Variants in RFX2 observed in about 807,000 individuals in gnomAD.
RFX2 encodes the protein regulatory factor X2, also known as DNA-binding protein RFX2.
Under a neutral mutation model 87.8 loss-of-function variants are expected in RFX2, and 20 were observed. That is an observed-to-expected ratio of 0.23 (90% confidence interval 0.16 to 0.33). RFX2 has a LOEUF of 0.33. RFX2 is among the 10% of genes least tolerant of loss of function. RFX2 has a pLI of 1.00. For synonymous variants in RFX2, 397 were observed against 431.3 expected, an observed-to-expected ratio of 0.92 and a Z score of 0.98; for missense variants, 767 against 1,012.3, an observed-to-expected ratio of 0.76 and a Z score of 3.29.
In RFX2 at chr19:6,047,049, A is replaced by G. The variant is rs2087200429; in HGVS notation, c.90+358T>C. On this transcript the variant is annotated intron_variant, in intron 2 of 17. Transcript: ENST00000303657. This position sits in a 1 kb window ranked among gnomAD's most constrained non-coding sequence, Gnocchi z 4.2. ...CCAAAGTGCTGGGATTACCTGTGTGAGCCACTGCACCCGGCCTTACTTCTT... is the reference window on the plus strand; with the variant it reads ...CCAAAGTGCTGGGATTACCTGTGTGGGCCACTGCACCCGGCCTTACTTCTT... 6.6e-6 allele frequency among the ~76,000 whole-genome samples: 1 copy of G among 151,620 alleles called. No individual in the cohort carries two copies. Among genetic ancestry groups the G allele is most frequent in the Non-Finnish European group, 1.5e-5 (1 of 67,964 alleles).
At chr19:6,054,165 T>C (rs966024242) in intron 1 of RFX2, among the ~76,000 whole-genome samples, 1 of 151,934 alleles carries the variant, frequency 6.6e-6, no homozygotes, top group African/African-American at 2.4e-5. Context: ...AAATGAACAC[T>C]TTTTTAAAAA....
Position 6,072,765 on chromosome 19 carries a change from A to G in RFX2, c.-8-25261T>C. On this transcript the variant is annotated intron_variant, in intron 1 of 17. Coordinates refer to ENST00000303657, the MANE Select transcript of RFX2 (RefSeq NM_000635.4). ...ATAACAAAGAAAAAAGAGAAAAAAA[A>G]GGCCCCTCTCTCTTCAGTGCTGCCT... 3 of 625,966 alleles carry G rather than the reference A, an allele frequency of 4.8e-6. No individual in the cohort carries two copies. The South Asian group carries it at 4.8e-5, about 10-fold the overall frequency. The allele number at this position is 625,966 out of a possible 1,614,324, so 38.8% of individuals were successfully genotyped here.
intron 1 of RFX2, among the ~76,000 whole-genome samples, chr19:6,081,035 CAAAAA>C (rs537462734): frequency 7.8e-5 from 7 of 89,704 alleles, no homozygotes; most frequent in Non-Finnish European, 1.3e-4. Context: ...GACTCCATCT[CAAAAA>C]AAAAAAAAAA....
Position 6,012,937 on chromosome 19 carries a change from C to A in RFX2, c.899+49G>T, listed in dbSNP as rs1226692392. 1 of 1,430,050 alleles carries A rather than the reference C, an allele frequency of 7.0e-7. No individual in the cohort carries two copies. The highest frequency in any genetic ancestry group is 2.6e-5 in the East Asian group (1 of 38,742). 88.6% of individuals were successfully genotyped at this position (1,430,050 alleles called of 1,614,324 possible). A position where few individuals can be genotyped will look rare whatever the true frequency, so the allele number is the denominator to read the frequency against. On this transcript the variant is annotated intron_variant, in intron 8 of 17. Coordinates refer to ENST00000303657, the MANE Select transcript of RFX2 (RefSeq NM_000635.4). The surrounding 1 kb of genome is among the most constrained non-coding windows in gnomAD (Gnocchi z 4.6). ...TCGTGTTGGAGAAACACCCACCCCT[C>A]CATGCTCCAGGGGAGAGCCAGCTCC... is the stretch of plus-strand genomic sequence containing the variant.
Position 6,003,778 on chromosome 19 carries a change from C to CAAAAAAA in RFX2, c.1500+416_1500+422dup, listed in dbSNP as rs57470328. On this transcript the variant is annotated intron_variant, in intron 13 of 17. Coordinates refer to ENST00000303657, the MANE Select transcript of RFX2 (RefSeq NM_000635.4). ...TGGGCGACAGAGTGAGACTCTGTCT[C>CAAAAAAA]AAAAAAAAAAAAAAAAAAAAAAAAA... 1.0e-3 allele frequency among the ~76,000 whole-genome samples: 42 copies of CAAAAAAA among 42,008 alleles called. 1 individual carries two copies. Among genetic ancestry groups the CAAAAAAA allele is most frequent in the Non-Finnish European group, 1.5e-3 (30 of 19,558 alleles). The allele number at this position is 42,008 out of a possible 152,430, so 27.6% of individuals were successfully genotyped here. A position where few individuals can be genotyped will look rare whatever the true frequency, so the allele number is the denominator to read the frequency against.
intron 5 of RFX2, among the ~76,000 whole-genome samples, chr19:6,034,978 C>T (rs2087002197): frequency 6.6e-6 from 1 of 152,172 alleles, no homozygotes; most frequent in South Asian, 2.1e-4. Context: ...GAATATTTAG[C>T]TTGTTAAACT....
At chr19:6,072,697 C>G in intron 1 of RFX2, 1 of 406,320 alleles carries the variant, frequency 2.5e-6, no homozygotes, top group South Asian at 2.4e-5. Flanking sequence ...AGAGAGAGAT[C>G]CTGTCTCTCA....
chr19:6,004,738 T>G lies in RFX2; in HGVS notation c.1403-440A>C, dbSNP rs1038728008. 6.6e-5 allele frequency among the ~76,000 whole-genome samples: 10 copies of G among 151,892 alleles called. No individual in the cohort carries two copies. The highest frequency in any genetic ancestry group is 2.9e-5 in the Non-Finnish European group (2 of 67,982). On this transcript the variant is annotated intron_variant, in intron 12 of 17. Coordinates refer to ENST00000303657, the MANE Select transcript of RFX2 (RefSeq NM_000635.4). The surrounding 1 kb of genome is among the most constrained non-coding windows in gnomAD (Gnocchi z 4.8). The stretch of plus-strand genomic sequence containing the variant: ...AAACACACACACACACGTAAATACA[T>G]TCTACCAACTTCCTAATTTATTTTA...
chr19:6,060,993 T>C (rs1223996974), intron 1 of RFX2, among the ~76,000 whole-genome samples: 1 of 151,838 alleles, frequency 6.6e-6, no homozygotes, highest in Non-Finnish European at 1.5e-5. Context: ...AGGGAAACTC[T>C]CCCCCCGCCA....
chr19:6,083,983 C>T lies in RFX2; in HGVS notation c.-9+26410G>A, dbSNP rs537555378. ...TCTCCAAATACAGGAGATGAGCACA[C>T]GTGTCCAGGGCACCCCAGACCTCTT... On this transcript the variant is annotated intron_variant, in intron 1 of 17. Coordinates refer to ENST00000303657, the MANE Select transcript of RFX2 (RefSeq NM_000635.4). This position sits in a 1 kb window ranked among gnomAD's most constrained non-coding sequence, Gnocchi z 4.6. Among the ~76,000 whole-genome samples, 5 of 152,254 alleles carry T rather than the reference C, an allele frequency of 3.3e-5. No individual in the cohort carries two copies. The highest frequency in any genetic ancestry group is 1.9e-4 in the East Asian group (1 of 5,192).
intron 1 of RFX2, among the ~76,000 whole-genome samples, chr19:6,070,076 G>A (rs55665805): frequency 1.1e-5 from 1 of 88,040 alleles, no homozygotes. Flanking sequence ...ATGGGATGTG[G>A]ATGGGATGGG....
At chr19:6,102,669 T>TC (rs1378197960) in intron 1 of RFX2, among the ~76,000 whole-genome samples, 1 of 152,214 alleles carries the variant, frequency 6.6e-6, no homozygotes, top group Non-Finnish European at 1.5e-5. Flanking sequence ...CCTGGAAGGC[T>TC]CTTCCTTCTG....
chr19:6,052,367 T>C (rs2087277854), intron 1 of RFX2, among the ~76,000 whole-genome samples: 1 of 152,174 alleles, frequency 6.6e-6, no homozygotes, highest in Admixed American at 6.5e-5. Context: ...TACCTAGTAA[T>C]ACAGCTTCAA....
chr19:6,062,027 T>C (rs2087441212), intron 1 of RFX2, among the ~76,000 whole-genome samples: 1 of 151,974 alleles, frequency 6.6e-6, no homozygotes, highest in Non-Finnish European at 1.5e-5. Flanking sequence ...CCGGGGAAGG[T>C]GGCTGATGTC....
chr19:6,033,565 T>G (rs1001363513), intron 5 of RFX2, among the ~76,000 whole-genome samples: 4 of 149,454 alleles, frequency 2.7e-5, no homozygotes, highest in Admixed American at 2.0e-4. Flanking sequence ...CAAACATATC[T>G]TTCAAAGGGT....
chr19:6,100,682 G>A (rs1599934287), intron 1 of RFX2, among the ~76,000 whole-genome samples: 1 of 152,060 alleles, frequency 6.6e-6, no homozygotes. Flanking sequence ...CCATGTTGCG[G>A]CCCAGCCGCT....
rs750603880 is a variant in RFX2 at position 6,023,393 on chromosome 19, C to T, written c.597+2770G>A. Among the ~76,000 whole-genome samples, 63 of 152,238 alleles carry T rather than the reference C, an allele frequency of 4.1e-4. No homozygotes were observed. Among genetic ancestry groups the T allele is most frequent in the Non-Finnish European group, 7.5e-4 (51 of 68,038 alleles). Reference sequence around the variant, plus strand: ...AGCCACAGGCAGCCCTGGGGACAATCGTTGCAAGGGCACGTCACCCCGTCC... The same window carrying T: ...AGCCACAGGCAGCCCTGGGGACAATTGTTGCAAGGGCACGTCACCCCGTCC... On this transcript the variant is annotated intron_variant, in intron 6 of 17. Coordinates refer to ENST00000303657, the MANE Select transcript of RFX2 (RefSeq NM_000635.4). This position sits in a 1 kb window ranked among gnomAD's most constrained non-coding sequence, Gnocchi z 4.9.
At chr19:6,032,277 C>T (rs2086963099) in intron 5 of RFX2, among the ~76,000 whole-genome samples, 2 of 151,968 alleles carry the variant, frequency 1.3e-5, no homozygotes, top group South Asian at 4.2e-4. Context: ...GCGTGCCACC[C>T]CGTCCAGCTA....
Position 6,001,784 on chromosome 19 carries a change from A to C in RFX2, c.1859+31T>G. The C allele has an allele frequency of 6.5e-7, 1 of 1,550,064 alleles. No homozygotes were observed. Among genetic ancestry groups the C allele is most frequent in the Non-Finnish European group, 8.8e-7 (1 of 1,141,694 alleles). ...TTTCTCTCAGAGCCCCCCACCCGCC[A>C]GAATTCTCTCGGAGGTCTGGTGGGA... is the stretch of plus-strand genomic sequence containing the variant. On this transcript the variant is annotated intron_variant, in intron 15 of 17. Transcript: ENST00000303657. This position sits in a 1 kb window ranked among gnomAD's most constrained non-coding sequence, Gnocchi z 5.6.
Sources: gnomAD v4.1 joint callset for allele counts (sites outside exome capture counted in the v4.1 genomes callset) on GRCh38, gnomAD v4.1.1 for gene constraint, Gnocchi (gnomAD v3.1) non-coding constraint, MANE v1.5 for transcripts, NCBI Gene and HGNC (gene_info 2026-07-23, HGNC 2026-07-21) for gene names.